Variants in HMCN1 observed in about 807,000 individuals in gnomAD.
The protein encoded by HMCN1 is hemicentin 1.
Under a neutral mutation model 625.9 loss-of-function variants are expected in HMCN1, and 321 were observed. The observed-to-expected ratio is 0.51, with a 90% CI of 0.47 to 0.56. HMCN1 has a LOEUF of 0.56. Ranked by LOEUF, HMCN1 falls within the 20% of genes least tolerant of loss-of-function variation. HMCN1 has a pLI of 0.00. For missense variants in HMCN1, 6,588 were observed against 6,887.3 expected, an observed-to-expected ratio of 0.96 and a Z score of 1.54; for synonymous variants, 2,425 against 2,417.6, an observed-to-expected ratio of 1.00 and a Z score of -0.09.
chr1:185,766,851 C>T (rs908228636), intron 1 of HMCN1, among the ~76,000 whole-genome samples: 16 of 151,554 alleles, frequency 1.1e-4, no homozygotes, highest in Non-Finnish European at 1.5e-4. Context: ...AACCAACCAC[C>T]GAAATAGAAC....
At chr1:185,814,755 G>T (rs1202812365) in intron 1 of HMCN1, among the ~76,000 whole-genome samples, 1 of 148,286 alleles carries the variant, frequency 6.7e-6, no homozygotes, top group African/African-American at 2.6e-5. Context: ...GCAGTGGCTC[G>T]ATCTCAGCTC....
rs181692111 is a variant in HMCN1, at chr1:186,006,721, G to C, written c.4476-407G>C. 2.4e-3 allele frequency among the ~76,000 whole-genome samples: 366 copies of C among 150,952 alleles called. 2 individuals carry two copies. The highest frequency in any genetic ancestry group is 8.5e-3 in the African/African-American group (350 of 41,234). On this transcript the variant is annotated intron_variant, in intron 29 of 106. Coordinates refer to ENST00000271588, the MANE Select transcript of HMCN1 (RefSeq NM_031935.3). Reference sequence around the variant, plus strand: ...ATATTATTTAAAAATAATATTATTTGGTCCAAAATCTATACTGTAATATTT... The same window carrying C: ...ATATTATTTAAAAATAATATTATTTCGTCCAAAATCTATACTGTAATATTT...
chr1:185,926,119 A>C lies in HMCN1; in HGVS notation c.1430+928A>C, dbSNP rs149049146. 1.3e-3 allele frequency among the ~76,000 whole-genome samples: 196 copies of C among 152,352 alleles called. 3 individuals are homozygous for C. In the East Asian group the frequency reaches 0.03, roughly 23 times the overall value. On this transcript the variant is annotated intron_variant, in intron 9 of 106. Transcript: ENST00000271588. ...AAACTGGAGAAAAATATTTCTGGAA[A>C]GTGTTGCCTTTTAACTTACTGTGAA... is the stretch of plus-strand genomic sequence containing the variant.
chr1:186,090,122 T>G (rs1022820410), intron 63 of HMCN1, among the ~76,000 whole-genome samples: 1 of 151,940 alleles, frequency 6.6e-6, no homozygotes, highest in African/African-American at 2.4e-5. Flanking sequence ...TCATATAGAA[T>G]AGGAATTCAA....
intron 36 of HMCN1, among the ~76,000 whole-genome samples, chr1:186,026,137 T>C (rs1278225189): frequency 1.3e-5 from 2 of 152,214 alleles, no homozygotes; most frequent in South Asian, 2.1e-4. Flanking sequence ...CAAACCTGAC[T>C]CTGTCCTCTT....
intron 52 of HMCN1, among the ~76,000 whole-genome samples, chr1:186,074,209 A>G (rs1658653330): frequency 7.4e-6 from 1 of 134,800 alleles, no homozygotes; most frequent in Admixed American, 7.7e-5. Flanking sequence ...TTAATATCCT[A>G]TTTTATAGTA....
chr1:186,140,774 C>T (rs543658723), intron 89 of HMCN1, among the ~76,000 whole-genome samples: 1 of 152,182 alleles, frequency 6.6e-6, no homozygotes, highest in African/African-American at 2.4e-5. Context: ...CTGTCAAGAA[C>T]TTTCTCATTT....
At chr1:186,015,553 G>A in intron 31 of HMCN1, 116 bp downstream of exon 31, 1 of 986,330 alleles carries the variant, frequency 1.0e-6, no homozygotes. Flanking sequence ...AATATGCATG[G>A]ATAGGAATTG....
At chr1:186,162,943 C>T (rs939182884) in intron 97 of HMCN1, among the ~76,000 whole-genome samples, 2 of 152,212 alleles carry the variant, frequency 1.3e-5, no homozygotes, top group Non-Finnish European at 2.9e-5. Flanking sequence ...TCAAAGCTGT[C>T]AGACAGGGAC....
At chr1:185,762,792 A>G (rs1432604307) in intron 1 of HMCN1, among the ~76,000 whole-genome samples, 3 of 152,116 alleles carry the variant, frequency 2.0e-5, no homozygotes, top group African/African-American at 7.2e-5. Context: ...TGTGGAAGAG[A>G]TTTAGATGTT....
chr1:185,917,928 A>G (rs1410969378), intron 6 of HMCN1, among the ~76,000 whole-genome samples: 1 of 152,104 alleles, frequency 6.6e-6, no homozygotes, highest in Non-Finnish European at 1.5e-5. Flanking sequence ...CCAATTGAGA[A>G]ACCTAGACTC....
At chr1:185,827,450 A>G (rs1660595258) in intron 1 of HMCN1, among the ~76,000 whole-genome samples, 1 of 152,150 alleles carries the variant, frequency 6.6e-6, no homozygotes. Flanking sequence ...ATGGACAGGA[A>G]AAATAAAACC....
intron 97 of HMCN1, among the ~76,000 whole-genome samples, chr1:186,159,760 G>A (rs1306771372): frequency 6.6e-6 from 1 of 152,180 alleles, no homozygotes; most frequent in African/African-American, 2.4e-5. Flanking sequence ...TTGCATCCCA[G>A]GGATGAAGCC....
At chr1:185,777,947 G>A (rs1656738718) in intron 1 of HMCN1, among the ~76,000 whole-genome samples, 1 of 152,188 alleles carries the variant, frequency 6.6e-6, no homozygotes, top group African/African-American at 2.4e-5. Context: ...ACGGGGGAGA[G>A]CAGAACTTGA....
intron 88 of HMCN1, 65 bp from the exon 89 acceptor site, chr1:186,137,737 T>C (rs920817698): frequency 7.4e-6 from 12 of 1,613,728 alleles, no homozygotes; most frequent in Non-Finnish European, 8.5e-6. Flanking sequence ...TACCTATGGA[T>C]TGCCCCAGTG....
chr1:185,917,076 A>G (rs941238142), intron 6 of HMCN1, among the ~76,000 whole-genome samples: 2 of 152,060 alleles, frequency 1.3e-5, no homozygotes, highest in African/African-American at 4.8e-5. Context: ...TCAATGATAC[A>G]TTTCTCTTCC....
intron 97 of HMCN1, among the ~76,000 whole-genome samples, chr1:186,164,614 T>G (rs1196006639): frequency 6.6e-6 from 1 of 152,206 alleles, no homozygotes; most frequent in African/African-American, 2.4e-5. Context: ...AAACACTTGG[T>G]CACACGTGGG....
chr1:185,946,200 G>A (rs10911783), intron 11 of HMCN1, among the ~76,000 whole-genome samples: 7,550 of 152,236 alleles, frequency 0.05, 431 homozygotes, highest in African/African-American at 0.14. Context: ...TAAGGTAGCA[G>A]ATAAATTTAT....
chr1:186,100,365 A>G (rs1316750664), intron 68 of HMCN1, among the ~76,000 whole-genome samples: 2 of 152,092 alleles, frequency 1.3e-5, no homozygotes, highest in African/African-American at 2.4e-5. Flanking sequence ...AAACATCTTA[A>G]CTTGGGGAAA....
Sources: allele counts gnomAD v4.1 joint callset (sites outside exome capture counted in the v4.1 genomes callset), GRCh38; gene constraint gnomAD v4.1.1; transcripts MANE v1.5; gene names NCBI Gene and HGNC (gene_info 2026-07-23, HGNC 2026-07-21).